The following LARS2 variants were observed in gnomAD, a reference collection of about 807,000 sequenced individuals.
LARS2 encodes the protein leucine--tRNA ligase, mitochondrial.
A neutral mutation model predicts 116.6 loss-of-function variants in LARS2; 81 were observed. That is an observed-to-expected ratio of 0.69 (90% CI 0.58 to 0.84). LARS2 has a LOEUF of 0.84. Ranked by LOEUF, LARS2 falls within the 40% of genes least tolerant of loss-of-function variation. The pLI is 0.00. For missense variants in LARS2, 968 were observed against 1,114.5 expected (o/e 0.87, Z 1.87); for synonymous variants, 396 against 407.2 (o/e 0.97, Z 0.33).
intron 7 of LARS2, 100 bp from the exon 8 acceptor site, chr3:45,458,643 C>T (rs1213470534): frequency 1.7e-5 from 20 of 1,197,800 alleles, no homozygotes; most frequent in East Asian, 2.4e-5. Flanking sequence ...GTCGAGATCA[C>T]GCCACTGCAC....
At chr3:45,409,439 G>C (rs750594392) in intron 4 of LARS2, among the ~76,000 whole-genome samples, 2 of 152,142 alleles carry the variant, frequency 1.3e-5, no homozygotes, top group Non-Finnish European at 2.9e-5. Flanking sequence ...TATTTGATCT[G>C]AACGGTGCAT....
chr3:45,529,494 G>A (rs6782729), intron 20 of LARS2, among the ~76,000 whole-genome samples: 133,378 of 150,962 alleles, frequency 0.88, 61,237 homozygotes, highest in East Asian at 1. Flanking sequence ...GGTTGCGGTG[G>A]GCTGAGATTG....
chr3:45,496,382 T>C lies in LARS2; in HGVS notation c.1622+9T>C, dbSNP rs374287119. The C allele has an allele frequency of 3.8e-6, 6 of 1,592,906 alleles. No individual in the cohort carries two copies. The African/African-American group carries it at 5.4e-5, about 14-fold the overall frequency. ...CCTCATAATCCACACAGGTAAAACG[T>C]CCCTGCTGATGTCTTTGAGCATTTG... On this transcript the variant is annotated intron_variant, in intron 14 of 21. Coordinates refer to ENST00000645846, the MANE Select transcript of LARS2 (RefSeq NM_015340.4).
At chr3:45,426,137 T>A (rs931779880) in intron 6 of LARS2, among the ~76,000 whole-genome samples, 1 of 152,220 alleles carries the variant, frequency 6.6e-6, no homozygotes, top group African/African-American at 2.4e-5. Context: ...CGTACTACCT[T>A]GACACCTTAT....
intron 11 of LARS2, among the ~76,000 whole-genome samples, chr3:45,488,388 G>A (rs896801721): frequency 3.9e-5 from 6 of 152,296 alleles, no homozygotes; most frequent in African/African-American, 1.4e-4. Context: ...AGCCGAGATC[G>A]TGCCACTGCA....
chr3:45,538,677 C>G (rs1399459592), intron 20 of LARS2, among the ~76,000 whole-genome samples: 1 of 152,218 alleles, frequency 6.6e-6, no homozygotes, highest in Non-Finnish European at 1.5e-5. Context: ...TTCCCTCAGG[C>G]TGACTGGCAA....
intron 4 of LARS2, 150 bp from the exon 5 acceptor site, chr3:45,417,332 A>G: frequency 1.6e-6 from 1 of 636,732 alleles, no homozygotes; most frequent in South Asian, 1.9e-5. Context: ...CGTCATAGGT[A>G]GCCAGCTGGC....
chr3:45,511,924 C>T (rs554219487), intron 15 of LARS2, among the ~76,000 whole-genome samples: 186 of 151,874 alleles, frequency 1.2e-3, no homozygotes, highest in African/African-American at 4.0e-3. Flanking sequence ...TACAGGTGCG[C>T]GCCCCCACAC....
At position 45,490,958 on chromosome 3, in the gene LARS2, A is replaced by G. The variant is rs188624220; in HGVS notation, c.1240-559A>G. 2.4e-4 allele frequency among the ~76,000 whole-genome samples: 36 copies of G among 152,380 alleles called. 1 individual carries two copies. Among genetic ancestry groups the G allele is most frequent in the Admixed American group, 2.1e-3 (32 of 15,310 alleles). ...TGGTTCTTCAAGCCGAAGCCTCAGAATGTTCCTCTGCTTGCCTGAATTCCT... is the reference window on the plus strand; with the variant it reads ...TGGTTCTTCAAGCCGAAGCCTCAGAGTGTTCCTCTGCTTGCCTGAATTCCT... On this transcript the variant is annotated intron_variant, in intron 12 of 21. Coordinates refer to ENST00000645846, the MANE Select transcript of LARS2 (RefSeq NM_015340.4).
intron 7 of LARS2, among the ~76,000 whole-genome samples, chr3:45,453,427 TA>T (rs1333570725): frequency 6.6e-6 from 1 of 152,236 alleles, no homozygotes; most frequent in East Asian, 1.9e-4. Context: ...TCCCCTAATT[TA>T]TGAGTCTGTC....
At chr3:45,444,690 G>A (rs978050871) in intron 6 of LARS2, among the ~76,000 whole-genome samples, 4 of 129,808 alleles carry the variant, frequency 3.1e-5, no homozygotes, top group African/African-American at 1.0e-4. Flanking sequence ...AAAAAACAAT[G>A]CTGTTTCATT....
intron 10 of LARS2, among the ~76,000 whole-genome samples, chr3:45,482,973 TC>T (rs1455125440): frequency 6.6e-6 from 1 of 152,340 alleles, no homozygotes; most frequent in East Asian, 1.9e-4. Flanking sequence ...AAGGGCATGC[TC>T]CTTCCCTTTG....
intron 8 of LARS2, among the ~76,000 whole-genome samples, chr3:45,470,250 A>G (rs1432182805): frequency 3.3e-5 from 5 of 152,228 alleles, no homozygotes; most frequent in Non-Finnish European, 1.5e-5. Context: ...TCTTAGCATT[A>G]CTTCTGCTTC....
intron 15 of LARS2, among the ~76,000 whole-genome samples, chr3:45,512,294 G>A (rs74697134): frequency 0.022 from 3,370 of 152,228 alleles, 92 homozygotes; most frequent in African/African-American, 0.069. Context: ...AGCAGATATC[G>A]CCATGAATCA....
Position 45,521,980 on chromosome 3 carries a change from C to T in LARS2, c.2292+1684C>T, listed in dbSNP as rs1700463055. On this transcript the variant is annotated intron_variant, in intron 19 of 21. Coordinates refer to ENST00000645846, the MANE Select transcript of LARS2 (RefSeq NM_015340.4). ...AATTAGCCAAGTGTGGTGGCATGCA[C>T]CTGTAGTTCTAGCTACTCAGGAGGC... 2.0e-5 allele frequency among the ~76,000 whole-genome samples: 3 copies of T among 152,126 alleles called. No individual in the cohort carries two copies. The South Asian group carries it at 6.2e-4, about 32-fold the overall frequency.
At chr3:45,487,859 C>T (rs1367268517) in intron 11 of LARS2, among the ~76,000 whole-genome samples, 1 of 152,140 alleles carries the variant, frequency 6.6e-6, no homozygotes, top group Non-Finnish European at 1.5e-5. Flanking sequence ...TATTAATGCT[C>T]AACTTCTCCT....
In LARS2 at chr3:45,458,893, G is replaced by A. The variant is rs551928072; in HGVS notation, c.750+7G>A. ...GACAACCGCTTATGCAAAGGTGAGTGTCAGCCTGGAGGCTCCCCACTAATG... is the reference window on the plus strand; with the variant it reads ...GACAACCGCTTATGCAAAGGTGAGTATCAGCCTGGAGGCTCCCCACTAATG... On this transcript the variant is annotated splice_region_variant and intron_variant, in intron 8 of 21. Coordinates refer to ENST00000645846, the MANE Select transcript of LARS2 (RefSeq NM_015340.4). 1.3e-5 allele frequency: 21 copies of A among 1,613,808 alleles called. No homozygotes were observed. The South Asian group carries it at 1.8e-4, about 14-fold the overall frequency.
At position 45,424,398 on chromosome 3, in the gene LARS2, A is replaced by G. The variant is rs561480926; in HGVS notation, c.516+4669A>G. 7.2e-4 allele frequency among the ~76,000 whole-genome samples: 109 copies of G among 152,310 alleles called. 1 individual carries two copies. Among genetic ancestry groups the G allele is most frequent in the African/African-American group, 2.3e-3 (95 of 41,564 alleles). On this transcript the variant is annotated intron_variant, in intron 6 of 21. Coordinates refer to ENST00000645846, the MANE Select transcript of LARS2 (RefSeq NM_015340.4). ...GTGAATATTGAATGTTGAATATCTT[A>G]TGTAATTTATTGGTGTTCTATTGAA...
At chr3:45,428,331 C>G (rs1361175398) in intron 6 of LARS2, among the ~76,000 whole-genome samples, 1 of 147,592 alleles carries the variant, frequency 6.8e-6, no homozygotes, top group Non-Finnish European at 1.5e-5. Flanking sequence ...GCAAGCTCCA[C>G]CTCCTAGGCT....
Sources: gnomAD v4.1 joint callset for allele counts (sites outside exome capture counted in the v4.1 genomes callset) on GRCh38, gnomAD v4.1.1 for gene constraint, MANE v1.5 for transcripts, NCBI Gene and HGNC (gene_info 2026-07-23, HGNC 2026-07-21) for gene names.